Variants in ZNF679 observed in about 807,000 individuals in gnomAD.
ZNF679 encodes zinc finger protein 679.
Under a neutral mutation model 13.4 loss-of-function variants are expected in ZNF679, and 10 were observed. That is an observed-to-expected ratio of 0.75 (90% CI 0.46 to 1.27). The LOEUF is 1.27. ZNF679 is among the 50% of genes most tolerant of loss of function. The pLI is 0.00. For missense variants in ZNF679, 525 were observed against 477.8 expected, an observed-to-expected ratio of 1.10 and a Z score of -0.92; for synonymous variants, 179 against 162.5, an observed-to-expected ratio of 1.10 and a Z score of -0.77.
intron 1 of ZNF679, among the ~76,000 whole-genome samples, chr7:64,232,798 AAG>A (rs1219793984): frequency 6.6e-6 from 1 of 152,170 alleles, no homozygotes; most frequent in Non-Finnish European, 1.5e-5. Flanking sequence ...GCAGGGCTAA[AAG>A]GGGAGAGTCA....
At chr7:64,254,021 TACA>T (rs1281227489) in intron 2 of ZNF679, among the ~76,000 whole-genome samples, 1 of 152,178 alleles carries the variant, frequency 6.6e-6, no homozygotes, top group Non-Finnish European at 1.5e-5. Flanking sequence ...AGTGAGAAAA[TACA>T]ACACCATCTA....
chr7:64,257,387 T>C (rs1242689075), intron 2 of ZNF679, among the ~76,000 whole-genome samples: 3 of 152,246 alleles, frequency 2.0e-5, no homozygotes, highest in African/African-American at 7.2e-5. Flanking sequence ...TGTGATTGTA[T>C]CATTTCAGAT....
At chr7:64,230,395 C>T (rs989437739) in intron 1 of ZNF679, among the ~76,000 whole-genome samples, 3 of 151,618 alleles carry the variant, frequency 2.0e-5, no homozygotes, top group South Asian at 2.1e-4. Context: ...TAGCCGGGCG[C>T]GGTGGCGGGC....
At chr7:64,237,777 C>T (rs2116513800) in intron 1 of ZNF679, among the ~76,000 whole-genome samples, 1 of 152,210 alleles carries the variant, frequency 6.6e-6, no homozygotes, top group Non-Finnish European at 1.5e-5. Flanking sequence ...AAATTATGGG[C>T]TTTTTATAAC....
intron 4 of ZNF679, 71 bp from the exon 5 acceptor site, chr7:64,265,825 A>G: frequency 6.7e-7 from 1 of 1,496,466 alleles, no homozygotes; most frequent in South Asian, 1.4e-5. Context: ...ATAATTTTAT[A>G]TATTCGATTT....
chr7:64,264,079 A>G (rs956886119), intron 4 of ZNF679, among the ~76,000 whole-genome samples: 2 of 152,102 alleles, frequency 1.3e-5, no homozygotes, highest in Non-Finnish European at 2.9e-5. Context: ...AGATAGACAT[A>G]ATAGTTATAG....
chr7:64,254,549 A>G (rs1787978744), intron 2 of ZNF679, among the ~76,000 whole-genome samples: 1 of 152,060 alleles, frequency 6.6e-6, no homozygotes, highest in African/African-American at 2.4e-5. Flanking sequence ...TAAACTGGCT[A>G]ACATTAAGTA....
At chr7:64,236,859 GAAAA>G (rs1223079498) in intron 1 of ZNF679, among the ~76,000 whole-genome samples, 3 of 104,282 alleles carry the variant, frequency 2.9e-5, no homozygotes, top group Non-Finnish European at 6.4e-5. Context: ...ACAAAAGAAA[GAAAA>G]AAAGAAAGAA....
At chr7:64,251,182 A>G (rs2116532141) in intron 2 of ZNF679, among the ~76,000 whole-genome samples, 1 of 152,286 alleles carries the variant, frequency 6.6e-6, no homozygotes, top group East Asian at 1.9e-4. Context: ...GGTCAGGCGC[A>G]GTGGCTCACA....
At chr7:64,258,313 TG>T (rs1378400013) in intron 2 of ZNF679, among the ~76,000 whole-genome samples, 1 of 152,076 alleles carries the variant, frequency 6.6e-6, no homozygotes, top group East Asian at 1.9e-4. Flanking sequence ...GATGCAGGTT[TG>T]ATATGTCCAG....
intron 2 of ZNF679, among the ~76,000 whole-genome samples, chr7:64,250,588 C>CT (rs1469134889): frequency 2.6e-4 from 39 of 150,584 alleles, no homozygotes; most frequent in Non-Finnish European, 4.1e-4. Context: ...TCAACTGTGT[C>CT]TTTTTTTTTC....
chr7:64,235,279 G>C (rs1044375790), intron 1 of ZNF679, among the ~76,000 whole-genome samples: 1 of 148,938 alleles, frequency 6.7e-6, no homozygotes, highest in African/African-American at 2.5e-5. Context: ...AGGGAAATCA[G>C]AAAGTATATT....
intron 2 of ZNF679, among the ~76,000 whole-genome samples, chr7:64,253,803 C>A (rs528017538): frequency 2.0e-5 from 3 of 152,084 alleles, no homozygotes; most frequent in Non-Finnish European, 2.9e-5. Context: ...ACCCTGAAGA[C>A]AGCATGTTTT....
At chr7:64,265,795 A>T in intron 4 of ZNF679, 101 bp from the exon 5 acceptor site, 1 of 1,363,722 alleles carries the variant, frequency 7.3e-7, no homozygotes, top group Non-Finnish European at 9.8e-7. Flanking sequence ...TTGATATGCC[A>T]TTTTGCTAAA....
intron 4 of ZNF679, 27 bp from the exon 5 acceptor site, chr7:64,265,869 G>A: frequency 1.9e-6 from 3 of 1,602,514 alleles, no homozygotes; most frequent in Non-Finnish European, 2.6e-6. Context: ...AGTAAGTGAA[G>A]TAACTTGTGA....
In ZNF679 at chr7:64,249,025, C is replaced by G. The variant is rs1279866495; in HGVS notation, c.-90-3C>G. On this transcript the variant is annotated splice_polypyrimidine_tract_variant and splice_region_variant and intron_variant, in intron 1 of 4. Transcript: ENST00000421025. ...CGGGTCCTTTGTGTTTCTCTGCGTC[C>G]AGAGCTCCAGTTCTTCTCTTCACTG... 1 of 1,580,376 alleles carries G rather than the reference C, an allele frequency of 6.3e-7. No homozygotes were observed. Among genetic ancestry groups the G allele is most frequent in the Non-Finnish European group, 8.6e-7 (1 of 1,158,380 alleles).
intron 1 of ZNF679, among the ~76,000 whole-genome samples, chr7:64,231,952 G>A (rs1427927143): frequency 2.0e-5 from 3 of 152,222 alleles, no homozygotes; most frequent in African/African-American, 7.2e-5. Context: ...CCTGTGAGTT[G>A]AGTCTATGCA....
rs1488592653 is a variant in ZNF679, at chr7:64,266,922, G to A, written c.*53G>A. 1 of 1,455,166 alleles carries A rather than the reference G, an allele frequency of 6.9e-7. No homozygotes were observed. Among genetic ancestry groups the A allele is most frequent in the Non-Finnish European group, 9.1e-7 (1 of 1,103,554 alleles). 90.1% of individuals were successfully genotyped at this position (1,455,166 alleles called of 1,614,324 possible). A position where few individuals can be genotyped will look rare whatever the true frequency, so the allele number is the denominator to read the frequency against. On this transcript the variant is annotated 3_prime_UTR_variant, in exon 5 of 5. Coordinates refer to ENST00000421025, the MANE Select transcript of ZNF679 (RefSeq NM_153363.3). ...ATAATACATAAAATAATTTATACTT[G>A]AAAAAATCACTACAAGTGTAAAGAA...
chr7:64,261,065 T>A, intron 4 of ZNF679, 136 bp downstream of exon 4: 1 of 902,156 alleles, frequency 1.1e-6, no homozygotes, highest in Non-Finnish European at 1.6e-6. Context: ...CATTTTTTTT[T>A]CTTTTGCTCT....
Sources: gnomAD v4.1 joint callset for allele counts (sites outside exome capture counted in the v4.1 genomes callset) on GRCh38, gnomAD v4.1.1 for gene constraint, MANE v1.5 for transcripts, NCBI Gene and HGNC (gene_info 2026-07-23, HGNC 2026-07-21) for gene names.